HRAS: variants seen among roughly 807,000 people sequenced by gnomAD.
HRAS encodes the protein GTPase HRas.
In HRAS, 11 loss-of-function variants were observed where a neutral mutation model predicts 19.8. That is an observed-to-expected ratio of 0.55 (90% CI 0.35 to 0.92). The LOEUF (loss-of-function observed/expected upper bound fraction) is 0.92. HRAS is among the 40% of genes least tolerant of loss of function. The probability of loss-of-function intolerance (pLI) is 0.01; values close to 1 mark genes in which losing one functional copy is unlikely to be tolerated. For missense variants in HRAS, 204 were observed against 255.9 expected (o/e 0.80, Z 1.38); for synonymous variants, 149 against 105.5 (o/e 1.41, Z -2.52).
rs376064281 is a variant in HRAS at position 534,334 on chromosome 11, G to A, written c.-12C>T. 1.2e-6 allele frequency: 2 copies of A among 1,606,400 alleles called. No individual in the cohort carries two copies. The highest frequency in any genetic ancestry group is 3.3e-5 in the Admixed American group (2 of 59,990). Reference sequence around the variant, plus strand: ...TTATATTCCGTCATCGCTCCTCAGGGGCCTGCGGCCCGGGGTCCTCCTACA... The same window carrying A: ...TTATATTCCGTCATCGCTCCTCAGGAGCCTGCGGCCCGGGGTCCTCCTACA... On this transcript the variant is annotated 5_prime_UTR_variant, in exon 2 of 6. Coordinates refer to ENST00000311189, the MANE Select transcript of HRAS (RefSeq NM_005343.4).
rs769212136 is a variant in HRAS, at chr11:533,756, C to T, written c.290+10G>A. 3.1e-6 allele frequency: 5 copies of T among 1,613,190 alleles called. No individual in the cohort carries two copies. The highest frequency in any genetic ancestry group is 2.2e-5 in the East Asian group (1 of 44,876). ...GGCGTGGGCTCCCGGGCCAGCCTCA[C>T]GGGGTTCACCTGTACTGGTGGATGT... On this transcript the variant is annotated intron_variant, in intron 3 of 5. Coordinates refer to ENST00000311189, the MANE Select transcript of HRAS (RefSeq NM_005343.4).
In HRAS at chr11:533,961, C is replaced by A. The variant is rs1367688831; in HGVS notation, c.112-17G>T. ...GTAGGAATCCTGCAGGAGGACAGGG[C>A]TCAGGGACCCCCTCAGGACCTTCCG... On this transcript the variant is annotated splice_polypyrimidine_tract_variant and intron_variant, in intron 2 of 5. Coordinates refer to ENST00000311189, the MANE Select transcript of HRAS (RefSeq NM_005343.4). The A allele has an allele frequency of 1.2e-6, 2 of 1,607,778 alleles. No homozygotes were observed. Among genetic ancestry groups the A allele is most frequent in the Non-Finnish European group, 1.7e-6 (2 of 1,179,824 alleles).
rs763754805 is a variant in HRAS at position 533,527 on chromosome 11, C to A, written c.376G>T (p.Glu126Ter). 1.2e-6 allele frequency: 2 copies of A among 1,613,828 alleles called. No individual in the cohort carries two copies. The highest frequency in any genetic ancestry group is 1.7e-6 in the Non-Finnish European group (2 of 1,179,996). Reference sequence around the variant, plus strand: ...GCGAGGTCCTGAGCCTGCCGAGATTCCACAGTGCGTGCAGCCAGGTCACAC... The same window carrying A: ...GCGAGGTCCTGAGCCTGCCGAGATTACACAGTGCGTGCAGCCAGGTCACAC... ...NKCDLAARTV[E>*]SRQAQDLARS... The change falls in exon 4 of 6, where the codon GAA becomes TAA. Residue 126 changes from glutamate to a stop codon, truncating the protein, a stop_gained. Transcript: ENST00000311189. LOFTEE classifies it high-confidence loss of function.
At chr11:533,421 C>T (rs1478691219) in intron 4 of HRAS, 32 bp downstream of exon 4, 4 of 1,610,706 alleles carry the variant, frequency 2.5e-6, no homozygotes, top group Admixed American at 1.7e-5. Flanking sequence ...GGGCGGGTCC[C>T]TGGCTAGCTG....
chr11:534,030 GCCCCTCATGC>G, intron 2 of HRAS, 86 bp from the exon 3 acceptor site: 1 of 1,410,290 alleles, frequency 7.1e-7, no homozygotes, highest in Non-Finnish European at 9.9e-7. Flanking sequence ...TACCTCTCAT[GCCCCTCATGC>G]CCCCTCCTCT....
rs1851447134 is a variant in HRAS, at chr11:535,564, C to G, written c.-202G>C. ...GGGCGCAGGGCACGGGCGGCGGAGA[C>G]TCGGGCGGGCCTGCGCACGCCCCGC... On this transcript the variant is annotated 5_prime_UTR_variant, in exon 1 of 6. Transcript: ENST00000311189. 6.7e-6 allele frequency: 1 copy of G among 149,200 alleles called. No homozygotes were observed. Among genetic ancestry groups the G allele is most frequent in the Non-Finnish European group, 1.5e-5 (1 of 66,730 alleles). The allele number at this position is 149,200 out of a possible 1,614,324, so 9.2% of individuals were successfully genotyped here.
At chr11:534,139 C>T (rs1189522070) in intron 2 of HRAS, 73 bp downstream of exon 2, 1 of 1,320,314 alleles carries the variant, frequency 7.6e-7, no homozygotes, top group South Asian at 1.2e-5. Flanking sequence ...GGGCTGCAGC[C>T]AGCCCTATCC....
chr11:532,854 C>T (rs1268725273), intron 4 of HRAS, 99 bp from the exon 5 acceptor site: 20 of 1,206,516 alleles, frequency 1.7e-5, no homozygotes, highest in Non-Finnish European at 3.6e-6. Context: ...TGGCCCGAAG[C>T]TCCCGACTCC....
chr11:532,632 T>C lies in HRAS; in HGVS notation c.*4A>G. On this transcript the variant is annotated splice_region_variant and 3_prime_UTR_variant, in exon 5 of 6. Transcript: ENST00000311189. Reference sequence around the variant, plus strand: ...GGCCGCCCTGGGAGTCCCCCTCACCTGCGTCAGGAGAGCACACACTTGCAG... The same window carrying C: ...GGCCGCCCTGGGAGTCCCCCTCACCCGCGTCAGGAGAGCACACACTTGCAG... 6.2e-7 allele frequency: 1 copy of C among 1,610,532 alleles called. No homozygotes were observed. The highest frequency in any genetic ancestry group is 8.5e-7 in the Non-Finnish European group (1 of 1,179,808).
At chr11:534,069 G>A in intron 2 of HRAS, 125 bp from the exon 3 acceptor site, 1 of 1,217,346 alleles carries the variant, frequency 8.2e-7, no homozygotes. Flanking sequence ...GCTGAGACGA[G>A]GGACTCCCCT....
At chr11:534,737 G>T (rs568142856) in intron 1 of HRAS, 49 of 246,232 alleles carry the variant, frequency 2.0e-4, no homozygotes, top group Non-Finnish European at 2.1e-4. Context: ...GTCTGGCCAC[G>T]GCGGAGCGCG....
At chr11:534,450 T>C in intron 1 of HRAS, 75 bp from the exon 2 acceptor site, 1 of 727,456 alleles carries the variant, frequency 1.4e-6, no homozygotes, top group Non-Finnish European at 2.3e-6. Flanking sequence ...GGCAGGGCCA[T>C]CTGAAGGGCA....
Position 532,485 on chromosome 11 carries a change from C to G in HRAS, c.*43G>C. ...CTTCCTCCTCCTTCCGTCTGCACCTCCTTCCTGCATCCGGCACCTCCATGT... is the reference window on the plus strand; with the variant it reads ...CTTCCTCCTCCTTCCGTCTGCACCTGCTTCCTGCATCCGGCACCTCCATGT... On this transcript the variant is annotated 3_prime_UTR_variant, in exon 6 of 6. Coordinates refer to ENST00000311189, the MANE Select transcript of HRAS (RefSeq NM_005343.4). 1.9e-6 allele frequency: 2 copies of G among 1,067,154 alleles called. No individual in the cohort carries two copies. The highest frequency in any genetic ancestry group is 2.7e-6 in the Non-Finnish European group (2 of 738,510). The allele number at this position is 1,067,154 out of a possible 1,614,324, so 66.1% of individuals were successfully genotyped here. A position where few individuals can be genotyped will look rare whatever the true frequency, so the allele number is the denominator to read the frequency against.
chr11:533,399 T>TGGGGC (rs757540126), intron 4 of HRAS, 54 bp downstream of exon 4: 74 of 1,323,844 alleles, frequency 5.6e-5, no homozygotes, highest in African/African-American at 1.6e-4. Context: ...GCTCCCTGGC[T>TGGGGC]GGGGCGGGGC....
Position 533,495 on chromosome 11 carries a change from G to T in HRAS, c.408C>A (p.Ser136Arg). The stretch of plus-strand genomic sequence containing the variant: ...AGGTCTCGATGTAGGGGATGCCGTA[G>T]CTTCGGGCGAGGTCCTGAGCCTGCC... ...ESRQAQDLAR[S>R]YGIPYIETSA... The change falls in exon 4 of 6, where the codon AGC (serine) becomes AGA (arginine). Residue 136 changes from serine (S) to arginine (R), a missense_variant. This residue lies in a region of HRAS where 142 missense variants were observed against 141.1 expected (regional missense o/e 1.01). Coordinates refer to ENST00000311189, the MANE Select transcript of HRAS (RefSeq NM_005343.4). The T allele has an allele frequency of 6.2e-7, 1 of 1,613,666 alleles. No homozygotes were observed. The highest frequency in any genetic ancestry group is 8.5e-7 in the Non-Finnish European group (1 of 1,179,990).
Position 534,361 on chromosome 11 carries a change from G to A in HRAS, c.-39C>T, listed in dbSNP as rs1851326053. ...CCTGCGGCCCGGGGTCCTCCTACAG[G>A]GTCTCCTGCCCCACCTGCCAAGGAG... On this transcript the variant is annotated 5_prime_UTR_variant, in exon 2 of 6. Coordinates refer to ENST00000311189, the MANE Select transcript of HRAS (RefSeq NM_005343.4). 2 of 1,528,806 alleles carry A rather than the reference G, an allele frequency of 1.3e-6. No homozygotes were observed. Among genetic ancestry groups the A allele is most frequent in the South Asian group, 2.2e-5 (2 of 89,018 alleles). 94.7% of individuals were successfully genotyped at this position (1,528,806 alleles called of 1,614,324 possible).
intron 4 of HRAS, chr11:533,252 T>C (rs2133984720): frequency 6.4e-7 from 1 of 1,551,540 alleles, no homozygotes; most frequent in Non-Finnish European, 8.7e-7. Context: ...CCTCCCTCAC[T>C]GCCCTGCCGT....
intron 1 of HRAS, chr11:534,683 A>G: frequency 5.5e-6 from 2 of 364,162 alleles, no homozygotes; most frequent in Non-Finnish European, 1.0e-5. Flanking sequence ...CAGAAAGGCT[A>G]AAGGGAGGCG....
intron 1 of HRAS, 38 bp from the exon 2 acceptor site, chr11:534,413 A>G: frequency 2.0e-6 from 1 of 493,200 alleles, no homozygotes; most frequent in Non-Finnish European, 3.2e-6. Flanking sequence ...GCCCAGGCCC[A>G]GCCCCAGGCC....
Sources: gnomAD v4.1 joint callset for allele counts on GRCh38, gnomAD v4.1.1 for gene constraint, gnomAD v4.1.1 regional missense constraint, MANE v1.5 for transcripts, NCBI Gene and HGNC (gene_info 2026-07-23, HGNC 2026-07-21) for gene names.